Variants in NCOA7 observed in about 807,000 individuals in gnomAD.
NCOA7 encodes the protein 140 kDa estrogen receptor-associated protein.
A neutral mutation model predicts 104.3 loss-of-function variants in NCOA7; 45 were observed. The observed-to-expected ratio is 0.43, with a 90% confidence interval of 0.34 to 0.55. NCOA7 has a LOEUF of 0.55. Among genes scored for constraint, NCOA7 ranks in the 20% least tolerant of loss-of-function variants. The probability of loss-of-function intolerance (pLI) is 0.02; values close to 1 mark genes in which losing one functional copy is unlikely to be tolerated. For missense variants in NCOA7, 1,041 were observed against 1,119.7 expected (o/e 0.93, Z 1.00); for synonymous variants, 398 against 402.3 (o/e 0.99, Z 0.13).
At chr6:125,808,569 C>T (rs532148971) in intron 1 of NCOA7, among the ~76,000 whole-genome samples, 3 of 152,302 alleles carry the variant, frequency 2.0e-5, no homozygotes, top group South Asian at 4.1e-4. Flanking sequence ...TCAGGGTCCA[C>T]AGCTCCCTCC....
At chr6:125,919,417 G>C (rs1247619493) in intron 11 of NCOA7, 11 of 1,612,686 alleles carry the variant, frequency 6.8e-6, no homozygotes, top group Middle Eastern at 1.7e-4. Flanking sequence ...ACCTGACGAA[G>C]AGCCTTTTGT....
At chr6:125,886,473 A>G (rs1043041133) in intron 8 of NCOA7, among the ~76,000 whole-genome samples, 2 of 152,238 alleles carry the variant, frequency 1.3e-5, no homozygotes, top group African/African-American at 4.8e-5. Flanking sequence ...GTACATCTTT[A>G]TATAAAAACT....
chr6:125,886,404 A>G (rs1277366367), intron 8 of NCOA7, among the ~76,000 whole-genome samples: 1 of 152,230 alleles, frequency 6.6e-6, no homozygotes, highest in Non-Finnish European at 1.5e-5. Context: ...CTCCTAATGG[A>G]GTAATACCAT....
upstream of NCOA7, chr6:125,790,833 G>A (rs1056537322): frequency 1.3e-5 from 2 of 152,256 alleles, no homozygotes; most frequent in South Asian, 2.1e-4. Context: ...AAGACACCCC[G>A]ACTGCGGCGG....
chr6:125,867,921 C>G (rs374228216), intron 3 of NCOA7, among the ~76,000 whole-genome samples: 2 of 152,138 alleles, frequency 1.3e-5, no homozygotes, highest in South Asian at 4.1e-4. Context: ...CTCACCAGTG[C>G]GGTGTTTCGG....
chr6:125,823,337 T>G (rs1470061663), intron 2 of NCOA7, among the ~76,000 whole-genome samples: 1 of 152,226 alleles, frequency 6.6e-6, no homozygotes, highest in African/African-American at 2.4e-5. Flanking sequence ...AAATGGTTTG[T>G]GAATTTTAAT....
intron 2 of NCOA7, among the ~76,000 whole-genome samples, chr6:125,842,898 A>AT (rs34702691): frequency 6.6e-6 from 1 of 152,136 alleles, no homozygotes; most frequent in Non-Finnish European, 1.5e-5. Flanking sequence ...CCAGTAGTGA[A>AT]TTTTTTCAAG....
At chr6:125,805,403 G>T (rs1372797654) in intron 1 of NCOA7, among the ~76,000 whole-genome samples, 5 of 151,930 alleles carry the variant, frequency 3.3e-5, no homozygotes, top group Admixed American at 2.6e-4. Context: ...CCCCTGTCTT[G>T]TTCTTTTTAA....
At chr6:125,808,825 C>T (rs78511917) in intron 1 of NCOA7, among the ~76,000 whole-genome samples, 3,967 of 152,288 alleles carry the variant, frequency 0.026, 92 homozygotes, top group Middle Eastern at 0.068. Context: ...CTGTCTAGCC[C>T]AGAGATGGGT....
At chr6:125,862,034 T>C (rs1782100731) in intron 3 of NCOA7, among the ~76,000 whole-genome samples, 1 of 60,426 alleles carries the variant, frequency 1.7e-5, no homozygotes, top group South Asian at 4.9e-4. Flanking sequence ...TGAAACTCTT[T>C]CTCAAAAAAA....
At chr6:125,798,361 A>G (rs919124148) in intron 1 of NCOA7, among the ~76,000 whole-genome samples, 4 of 152,236 alleles carry the variant, frequency 2.6e-5, no homozygotes, top group African/African-American at 9.6e-5. Flanking sequence ...TCATCTGTCA[A>G]ATGAAGATAA....
At chr6:125,798,314 C>G (rs1454831178) in intron 1 of NCOA7, 1 of 152,208 alleles carries the variant, frequency 6.6e-6, no homozygotes, top group Non-Finnish European at 1.5e-5. Context: ...CACCTCTGTG[C>G]AGTTAGGAAG....
At chr6:125,919,319 C>G in intron 11 of NCOA7, 2 of 1,612,696 alleles carry the variant, frequency 1.2e-6, no homozygotes, top group Non-Finnish European at 1.7e-6. Context: ...AAAACTTGTT[C>G]CTCATTAGAG....
At chr6:125,812,818 C>T (rs1215688643) in intron 1 of NCOA7, among the ~76,000 whole-genome samples, 7 of 152,186 alleles carry the variant, frequency 4.6e-5, no homozygotes, top group African/African-American at 1.2e-4. Context: ...CCGTAACCCA[C>T]GCAGTTCCTG....
At chr6:125,781,298 A>C (rs1265236573) in exon 1 of NCOA7, 1 of 152,218 alleles carries the variant, frequency 6.6e-6, no homozygotes, top group African/African-American at 2.4e-5. Flanking sequence ...GTAAGACATA[A>C]ATTTGTAATG....
At chr6:125,781,810 T>C (rs182938213) in intron 1 of NCOA7, among the ~76,000 whole-genome samples, 1 of 152,396 alleles carries the variant, frequency 6.6e-6, no homozygotes, top group African/African-American at 2.4e-5. Flanking sequence ...CAGCTTCTTC[T>C]GTATCTCCCA....
At chr6:125,869,324 TC>T (rs1397340180) in intron 3 of NCOA7, among the ~76,000 whole-genome samples, 4 of 151,760 alleles carry the variant, frequency 2.6e-5, no homozygotes, top group Admixed American at 6.6e-5. Flanking sequence ...TCCCCAGTCT[TC>T]CCCCCCACCA....
chr6:125,844,817 CATTT>C (rs1780462025), intron 2 of NCOA7, among the ~76,000 whole-genome samples: 1 of 152,152 alleles, frequency 6.6e-6, no homozygotes, highest in South Asian at 2.1e-4. Flanking sequence ...TATGTTCTCT[CATTT>C]ACTTGGATTC....
chr6:125,881,086 T>C lies in NCOA7; in HGVS notation c.460-4T>C. 6.8e-6 allele frequency: 11 copies of C among 1,605,988 alleles called. No homozygotes were observed. The highest frequency in any genetic ancestry group is 8.5e-6 in the Non-Finnish European group (10 of 1,172,666). ...CTCACCCATCTGTTCTCTCCCATTC[T>C]CAGGTCCTTTTTGTGCCAGATGCCA... On this transcript the variant is annotated splice_polypyrimidine_tract_variant and splice_region_variant and intron_variant, in intron 5 of 15. Coordinates refer to ENST00000392477, the MANE Select transcript of NCOA7 (RefSeq NM_181782.5).
Sources: allele counts gnomAD v4.1 joint callset (sites outside exome capture counted in the v4.1 genomes callset), GRCh38; gene constraint gnomAD v4.1.1; transcripts MANE v1.5; gene names NCBI Gene and HGNC (gene_info 2026-07-23, HGNC 2026-07-21).